CNTNAP4: variants seen among roughly 807,000 people sequenced by gnomAD.
CNTNAP4 encodes contactin associated protein family member 4.
A neutral mutation model predicts 148.4 loss-of-function variants in CNTNAP4; 98 were observed. The ratio of observed to expected loss-of-function variants is 0.66; its 90% CI spans 0.56 to 0.78. CNTNAP4 has a LOEUF of 0.78. Ranked by LOEUF, CNTNAP4 falls within the 30% of genes least tolerant of loss-of-function variation. The pLI is 0.00. For missense variants in CNTNAP4, 1,935 were observed against 1,565.6 expected (o/e 1.24, Z -3.98); for synonymous variants, 730 against 565.1 (o/e 1.29, Z -4.14).
intron 8 of CNTNAP4, among the ~76,000 whole-genome samples, chr16:76,454,361 A>G (rs1326929467): frequency 2.0e-5 from 3 of 152,162 alleles, no homozygotes; most frequent in Non-Finnish European, 4.4e-5. Flanking sequence ...CTTTACAAGC[A>G]TGTATAGTTA....
At chr16:76,465,007 G>C (rs2081125793) in intron 9 of CNTNAP4, among the ~76,000 whole-genome samples, 1 of 152,094 alleles carries the variant, frequency 6.6e-6, no homozygotes, top group Non-Finnish European at 1.5e-5. Context: ...CACAATCTGG[G>C]GATACTGTGT....
intron 2 of CNTNAP4, among the ~76,000 whole-genome samples, chr16:76,330,875 A>T (rs979261151): frequency 5.9e-5 from 9 of 152,258 alleles, no homozygotes; most frequent in Non-Finnish European, 2.9e-5. Context: ...CAAATAAAAC[A>T]TATGAACCGG....
intron 2 of CNTNAP4, among the ~76,000 whole-genome samples, chr16:76,327,269 T>G (rs946200869): frequency 1.3e-5 from 2 of 152,184 alleles, no homozygotes; most frequent in Non-Finnish European, 1.5e-5. Flanking sequence ...ACGCTCCCAA[T>G]ATTTTAGCTC....
At chr16:76,448,355 T>C in intron 5 of CNTNAP4, 140 bp downstream of exon 5, 2 of 626,370 alleles carry the variant, frequency 3.2e-6, no homozygotes, top group South Asian at 2.4e-5. Flanking sequence ...TCAATATTGC[T>C]CTTTCATGTA....
At chr16:76,437,925 G>A (rs1297011888) in intron 4 of CNTNAP4, among the ~76,000 whole-genome samples, 1 of 152,078 alleles carries the variant, frequency 6.6e-6, no homozygotes, top group African/African-American at 2.4e-5. Flanking sequence ...CTAAGCTGCT[G>A]TCCATAAAAT....
At chr16:76,279,226 TA>T (rs1958595120) in intron 1 of CNTNAP4, among the ~76,000 whole-genome samples, 1 of 152,188 alleles carries the variant, frequency 6.6e-6, no homozygotes, top group Non-Finnish European at 1.5e-5. Flanking sequence ...TCTTACAATG[TA>T]AAGCACATCA....
chr16:76,533,873 C>T (rs1423789907), intron 17 of CNTNAP4, among the ~76,000 whole-genome samples: 1 of 152,080 alleles, frequency 6.6e-6, no homozygotes, highest in Non-Finnish European at 1.5e-5. Flanking sequence ...ACCTTGGCAT[C>T]CTTCACTGAG....
chr16:76,437,526 A>C (rs187634779), intron 4 of CNTNAP4, among the ~76,000 whole-genome samples: 25 of 152,262 alleles, frequency 1.6e-4, no homozygotes, highest in Non-Finnish European at 3.4e-4. Context: ...TTAGTATCAA[A>C]AAGGATAGTA....
chr16:76,350,197 G>T (rs1326149528), intron 2 of CNTNAP4, among the ~76,000 whole-genome samples: 1 of 152,048 alleles, frequency 6.6e-6, no homozygotes, highest in Non-Finnish European at 1.5e-5. Flanking sequence ...AATTACTCCA[G>T]GGGTAAAGAA....
At chr16:76,555,892 C>T (rs1171470197) in intron 23 of CNTNAP4, among the ~76,000 whole-genome samples, 2 of 152,176 alleles carry the variant, frequency 1.3e-5, no homozygotes, top group Non-Finnish European at 2.9e-5. Context: ...AGAAGCAGAG[C>T]ATCTGGTAAT....
chr16:76,540,967 T>C (rs1292138979), intron 21 of CNTNAP4, among the ~76,000 whole-genome samples, 177 bp downstream of exon 21: 3 of 152,124 alleles, frequency 2.0e-5, no homozygotes, highest in Non-Finnish European at 4.4e-5. Flanking sequence ...AGTAGGGGCG[T>C]CCTGTGTGAT....
chr16:76,460,337 G>A (rs1313166500), intron 8 of CNTNAP4, among the ~76,000 whole-genome samples: 2 of 151,510 alleles, frequency 1.3e-5, no homozygotes, highest in African/African-American at 4.8e-5. Flanking sequence ...TCGAACTCCC[G>A]ACCTCAGGTG....
At position 76,553,287 on chromosome 16, in the gene CNTNAP4, C is replaced by T. The variant is rs759640829; in HGVS notation, c.3447C>T (p.His1149=). 16 of 1,588,182 alleles carry T rather than the reference C, an allele frequency of 1.0e-5. No homozygotes were observed. The African/African-American group carries it at 1.5e-4, about 15-fold the overall frequency. The change falls in exon 22 of 24, where the codon CAC becomes CAT. Residue 1149 remains histidine (H), a synonymous_variant. Coordinates refer to ENST00000611870, the MANE Select transcript of CNTNAP4 (RefSeq NM_033401.5). ...GGTGTTTCTTTGAATTTCTAGAACA[C>T]AGTGATGTGGACCAGGATACTGCAC... ...KSLVLGRILE[H]SDVDQDTALA...
intron 1 of CNTNAP4, chr16:76,316,170 A>T: frequency 1.8e-6 from 1 of 565,614 alleles, no homozygotes; most frequent in Non-Finnish European, 3.1e-6. Context: ...ACCTTAAGAT[A>T]TTGTTTTATT....
At chr16:76,369,031 G>GT (rs942097146) in intron 3 of CNTNAP4, among the ~76,000 whole-genome samples, 47 of 147,012 alleles carry the variant, frequency 3.2e-4, no homozygotes, top group African/African-American at 1.1e-3. Flanking sequence ...AGTTTTTTTT[G>GT]TTTTTTCGTT....
chr16:76,405,713 C>A (rs771689632), intron 3 of CNTNAP4, among the ~76,000 whole-genome samples: 1 of 151,902 alleles, frequency 6.6e-6, no homozygotes, highest in Non-Finnish European at 1.5e-5. Flanking sequence ...GTGGCAGAGG[C>A]AGAAGAAAAC....
intron 1 of CNTNAP4, among the ~76,000 whole-genome samples, chr16:76,301,101 C>T (rs893650143): frequency 6.6e-6 from 1 of 152,004 alleles, no homozygotes; most frequent in Non-Finnish European, 1.5e-5. Context: ...CCATAGTCTT[C>T]ATAATTCCAG....
intron 12 of CNTNAP4, among the ~76,000 whole-genome samples, chr16:76,483,597 C>CT (rs1448208316): frequency 6.6e-6 from 1 of 152,158 alleles, no homozygotes; most frequent in Non-Finnish European, 1.5e-5. Flanking sequence ...ACCTTCTGTG[C>CT]TTAGGAGCAC....
At chr16:76,363,754 TA>T (rs1391000861) in intron 3 of CNTNAP4, among the ~76,000 whole-genome samples, 1 of 152,098 alleles carries the variant, frequency 6.6e-6, no homozygotes, top group Non-Finnish European at 1.5e-5. Flanking sequence ...GAGTTAGTAT[TA>T]AAAAAGCATT....
Sources: gnomAD v4.1 joint callset for allele counts (sites outside exome capture counted in the v4.1 genomes callset) on GRCh38, gnomAD v4.1.1 for gene constraint, MANE v1.5 for transcripts, NCBI Gene and HGNC (gene_info 2026-07-23, HGNC 2026-07-21) for gene names.